Variants in MBD5 observed in about 807,000 individuals in gnomAD.
The protein encoded by MBD5 is methyl-CpG-binding domain protein 5.
In MBD5, 13 loss-of-function variants were observed where a neutral mutation model predicts 117.3. The ratio of observed to expected loss-of-function variants is 0.11; its 90% CI spans 0.07 to 0.18. The LOEUF (loss-of-function observed/expected upper bound fraction) is 0.18, where lower values mean the gene tolerates loss of function less well. Among genes scored for constraint, MBD5 ranks in the 10% least tolerant of loss-of-function variants. The probability of loss-of-function intolerance (pLI) is 1.00; values close to 1 mark genes in which losing one functional copy is unlikely to be tolerated. For synonymous variants in MBD5, 727 were observed against 766.4 expected (o/e 0.95, Z 0.85); for missense variants, 1,879 against 2,093.8 (o/e 0.90, Z 2.00).
intron 1 of MBD5, among the ~76,000 whole-genome samples, chr2:148,096,573 T>C (rs1453700415): frequency 2.0e-5 from 3 of 152,172 alleles, no homozygotes; most frequent in Non-Finnish European, 2.9e-5. Context: ...CACCAAGCCA[T>C]TGTGCTTTCC....
At chr2:148,436,447 A>T (rs1706159985) in intron 4 of MBD5, among the ~76,000 whole-genome samples, 2 of 152,146 alleles carry the variant, frequency 1.3e-5, no homozygotes, top group Non-Finnish European at 2.9e-5. Context: ...ATCTTGGTTC[A>T]CTGCAACCTC....
At chr2:148,234,427 A>G (rs909287310) in intron 3 of MBD5, among the ~76,000 whole-genome samples, 2 of 152,160 alleles carry the variant, frequency 1.3e-5, no homozygotes, top group African/African-American at 4.8e-5. Flanking sequence ...TCTTTCAGTA[A>G]CTAGAGTCAA....
chr2:148,293,256 T>C (rs969564902), intron 3 of MBD5, among the ~76,000 whole-genome samples: 3 of 151,568 alleles, frequency 2.0e-5, no homozygotes, highest in African/African-American at 4.8e-5. Flanking sequence ...TAGTAGGGGA[T>C]TGGGGGAGAG....
chr2:148,509,502 G>C (rs985280961), intron 12 of MBD5, among the ~76,000 whole-genome samples: 1 of 152,218 alleles, frequency 6.6e-6, no homozygotes, highest in Non-Finnish European at 1.5e-5. Flanking sequence ...CTGGGGGGCA[G>C]GCTCCGGAGC....
At chr2:148,184,331 T>C (rs1698601917) in intron 2 of MBD5, among the ~76,000 whole-genome samples, 1 of 152,126 alleles carries the variant, frequency 6.6e-6, no homozygotes, top group Non-Finnish European at 1.5e-5. Flanking sequence ...TTTCTGAGTC[T>C]CCTGTTATTC....
chr2:148,235,913 C>A (rs1037322068), intron 3 of MBD5, among the ~76,000 whole-genome samples: 2 of 152,120 alleles, frequency 1.3e-5, no homozygotes, highest in African/African-American at 4.8e-5. Context: ...ATTCTCCCAC[C>A]TCAGCCTCCC....
At chr2:148,325,874 C>T (rs946312178) in intron 3 of MBD5, among the ~76,000 whole-genome samples, 3 of 152,168 alleles carry the variant, frequency 2.0e-5, no homozygotes, top group Non-Finnish European at 4.4e-5. Flanking sequence ...TTGCCTTCAG[C>T]TAGCTTTTGA....
chr2:148,026,570 G>A (rs1693898255), intron 1 of MBD5: 2 of 152,096 alleles, frequency 1.3e-5, no homozygotes, highest in South Asian at 4.2e-4. Flanking sequence ...CAGATTTTGA[G>A]GCTGCAGCGA....
chr2:148,104,857 CAAAT>C (rs1696326822), intron 1 of MBD5, among the ~76,000 whole-genome samples: 1 of 151,812 alleles, frequency 6.6e-6, no homozygotes, highest in Non-Finnish European at 1.5e-5. Flanking sequence ...AAGTAATACT[CAAAT>C]AATAAGCTCA....
chr2:148,422,218 G>A (rs982110485), intron 4 of MBD5, among the ~76,000 whole-genome samples: 2 of 152,158 alleles, frequency 1.3e-5, no homozygotes, highest in African/African-American at 4.8e-5. Context: ...CCTCTGGGAA[G>A]AAGCTTCCAG....
intron 4 of MBD5, among the ~76,000 whole-genome samples, chr2:148,345,217 T>C (rs199545989): frequency 7.3e-5 from 8 of 109,136 alleles, no homozygotes; most frequent in East Asian, 2.5e-4. Flanking sequence ...TATGTATATA[T>C]ACACACACAC....
At chr2:148,178,226 T>C (rs1029945375) in intron 1 of MBD5, among the ~76,000 whole-genome samples, 3 of 152,114 alleles carry the variant, frequency 2.0e-5, no homozygotes, top group African/African-American at 4.8e-5. Flanking sequence ...ATAAGAGGAA[T>C]AGAATTTTGA....
chr2:148,124,258 G>A (rs1239473382), intron 1 of MBD5, among the ~76,000 whole-genome samples: 2 of 152,106 alleles, frequency 1.3e-5, no homozygotes, highest in Non-Finnish European at 2.9e-5. Context: ...CAGCCTGGGT[G>A]ACAGGGCAAA....
At chr2:148,344,955 G>A (rs947613262) in intron 4 of MBD5, among the ~76,000 whole-genome samples, 2 of 151,734 alleles carry the variant, frequency 1.3e-5, no homozygotes, top group Admixed American at 6.6e-5. Context: ...TGATGGAAGG[G>A]TTCCATGACA....
intron 2 of MBD5, among the ~76,000 whole-genome samples, chr2:148,224,857 T>C (rs1699781627): frequency 6.6e-6 from 1 of 152,134 alleles, no homozygotes. Context: ...ATAAATCTAT[T>C]TTGTCTGATA....
At chr2:148,302,027 T>TG (rs1468019921) in intron 3 of MBD5, among the ~76,000 whole-genome samples, 2 of 152,194 alleles carry the variant, frequency 1.3e-5, no homozygotes, top group Non-Finnish European at 2.9e-5. Flanking sequence ...TGGTTGGGAA[T>TG]GGGGGGCCCT....
chr2:148,345,585 ATATACACGTATACACATACATAT>A (rs1402702529), intron 4 of MBD5, among the ~76,000 whole-genome samples: 2 of 76,198 alleles, frequency 2.6e-5, no homozygotes, highest in African/African-American at 1.1e-4. Context: ...ATACATATGT[ATATACACGTATACACATACATAT>A]GTATATACAC....
chr2:148,073,417 T>G (rs1023478718), intron 1 of MBD5, among the ~76,000 whole-genome samples: 1 of 152,198 alleles, frequency 6.6e-6, no homozygotes, highest in African/African-American at 2.4e-5. Flanking sequence ...TCATAGTTTT[T>G]CATGGATCAA....
chr2:148,297,463 T>G (rs910662217), intron 3 of MBD5, among the ~76,000 whole-genome samples: 14 of 152,194 alleles, frequency 9.2e-5, no homozygotes, highest in Admixed American at 7.2e-4. Context: ...TGATCTGTTA[T>G]GCTGTTTGCT....
Sources: gnomAD v4.1 joint callset for allele counts (sites outside exome capture counted in the v4.1 genomes callset) on GRCh38, gnomAD v4.1.1 for gene constraint, MANE v1.5 for transcripts, NCBI Gene and HGNC (gene_info 2026-07-23, HGNC 2026-07-21) for gene names.